The following CDH13 variants were observed in gnomAD, a reference collection of about 807,000 sequenced individuals.
CDH13 encodes the protein cadherin 13, also known as cadherin-13.
CDH13 carries 24 observed loss-of-function variants against 63.8 expected under a neutral mutation model. The ratio of observed to expected loss-of-function variants is 0.38; its 90% CI spans 0.27 to 0.53. The LOEUF is 0.53. CDH13 is among the 20% of genes least tolerant of loss of function. The pLI, the probability that CDH13 is intolerant of heterozygous loss-of-function variation, is 0.85. For missense variants in CDH13, 1,049 were observed against 903.1 expected, an observed-to-expected ratio of 1.16 and a Z score of -2.07; for synonymous variants, 503 against 355.3, an observed-to-expected ratio of 1.42 and a Z score of -4.67.
chr16:83,508,735 C>G (rs149172273), intron 7 of CDH13, among the ~76,000 whole-genome samples: 4 of 152,188 alleles, frequency 2.6e-5, no homozygotes, highest in Non-Finnish European at 5.9e-5. Flanking sequence ...TGTCTCACTT[C>G]TCTTTCTCCC....
intron 3 of CDH13, among the ~76,000 whole-genome samples, chr16:83,034,672 G>A (rs941351843): frequency 2.0e-5 from 3 of 152,178 alleles, no homozygotes; most frequent in Non-Finnish European, 4.4e-5. Flanking sequence ...GTGAATGGTG[G>A]CTCATCTTTC....
intron 1 of CDH13, among the ~76,000 whole-genome samples, chr16:82,670,367 C>T (rs1437036617): frequency 6.6e-6 from 1 of 152,200 alleles, no homozygotes; most frequent in Non-Finnish European, 1.5e-5. Flanking sequence ...CTTCTCTCCA[C>T]CTTCCCCACT....
chr16:83,480,682 C>A (rs1171184057), intron 6 of CDH13, among the ~76,000 whole-genome samples: 2 of 152,136 alleles, frequency 1.3e-5, no homozygotes, highest in African/African-American at 4.8e-5. Flanking sequence ...AGGGTGACCA[C>A]CTCATTCTGG....
rs8058914 is a variant in CDH13 at position 83,582,604 on chromosome 16, A to G, written c.961-19850A>G. ...GCCCATAAGGGTTGTTAGGACACAC[A>G]GGAGCCTGAGTGGCCAGGTCTCTCA... On this transcript the variant is annotated intron_variant, in intron 7 of 13. Transcript: ENST00000567109. Among the ~76,000 whole-genome samples, 1,027 of 152,300 alleles carry G rather than the reference A, an allele frequency of 6.7e-3. 11 individuals are homozygous for G. The highest frequency in any genetic ancestry group is 0.023 in the African/African-American group (970 of 41,556).
intron 1 of CDH13, among the ~76,000 whole-genome samples, chr16:82,712,952 A>G (rs1391042738): frequency 1.3e-5 from 2 of 152,084 alleles, no homozygotes; most frequent in Non-Finnish European, 2.9e-5. Context: ...AGCTTCATCA[A>G]GGAATTTCTC....
chr16:82,913,764 T>G, intron 2 of CDH13, among the ~76,000 whole-genome samples: 1 of 150,720 alleles, frequency 6.6e-6, no homozygotes, highest in Non-Finnish European at 1.5e-5. Flanking sequence ...AAGTAGTCAT[T>G]TGGGAGATGA....
intron 3 of CDH13, among the ~76,000 whole-genome samples, chr16:83,066,947 C>G (rs921236399): frequency 1.3e-5 from 2 of 152,150 alleles, no homozygotes; most frequent in African/African-American, 4.8e-5. Context: ...GTCTTTGTCA[C>G]CAAATGCTGA....
chr16:83,600,260 C>A (rs572977669), intron 7 of CDH13, among the ~76,000 whole-genome samples: 1 of 152,278 alleles, frequency 6.6e-6, no homozygotes, highest in African/African-American at 2.4e-5. Context: ...AACCGTGTGA[C>A]CTTCGATCCT....
chr16:82,857,219 G>T (rs114735980), intron 1 of CDH13, among the ~76,000 whole-genome samples: 3,403 of 152,248 alleles, frequency 0.022, 134 homozygotes, highest in African/African-American at 0.077. Context: ...CTAGAATTTC[G>T]AGTTCGTCTT....
intron 3 of CDH13, among the ~76,000 whole-genome samples, chr16:83,095,161 C>G (rs968461335): frequency 6.6e-6 from 1 of 152,186 alleles, no homozygotes; most frequent in East Asian, 1.9e-4. Context: ...GGTATAAATA[C>G]TCACACTGTG....
At chr16:83,233,152 A>G (rs1212405627) in intron 5 of CDH13, among the ~76,000 whole-genome samples, 1 of 152,184 alleles carries the variant, frequency 6.6e-6, no homozygotes, top group Non-Finnish European at 1.5e-5. Flanking sequence ...CTTTTCAGGA[A>G]AGGGAAAATG....
intron 5 of CDH13, among the ~76,000 whole-genome samples, chr16:83,232,291 G>A (rs71402058): frequency 0.12 from 16,832 of 142,690 alleles, 1,122 homozygotes; most frequent in Non-Finnish European, 0.15. Flanking sequence ...TTGGGAAGCT[G>A]AGGCGAGCAG....
intron 6 of CDH13, among the ~76,000 whole-genome samples, chr16:83,463,057 G>A (rs2073220285): frequency 6.6e-6 from 1 of 152,116 alleles, no homozygotes; most frequent in African/African-American, 2.4e-5. Context: ...CAGAATGGAA[G>A]AGGAGGAAAA....
chr16:83,191,520 C>A (rs1305256593), intron 4 of CDH13, among the ~76,000 whole-genome samples: 1 of 88,458 alleles, frequency 1.1e-5, no homozygotes, highest in South Asian at 4.1e-4. Context: ...CACACACACA[C>A]ACACACACAC....
chr16:83,247,079 C>G (rs1293024065), intron 5 of CDH13, among the ~76,000 whole-genome samples: 28 of 152,204 alleles, frequency 1.8e-4, no homozygotes, highest in Admixed American at 1.6e-3. Context: ...AGTCAAGTAC[C>G]TACCTCTAAA....
At chr16:82,701,655 T>C (rs2031033629) in intron 1 of CDH13, among the ~76,000 whole-genome samples, 1 of 152,124 alleles carries the variant, frequency 6.6e-6, no homozygotes, top group Non-Finnish European at 1.5e-5. Context: ...ATTGTGGTGA[T>C]AACGTGGCTT....
intron 8 of CDH13, among the ~76,000 whole-genome samples, chr16:83,635,332 CTTTTTTTTTTTTTTTTT>C (rs71148847): frequency 4.3e-5 from 2 of 46,716 alleles, no homozygotes; most frequent in Admixed American, 4.0e-4. Context: ...CATTTTCTTT[CTTTTTTTTTTTTTTTTT>C]TTTTTTTTTT....
intron 1 of CDH13, among the ~76,000 whole-genome samples, chr16:82,765,994 A>C (rs1167293244): frequency 1.3e-5 from 2 of 152,202 alleles, no homozygotes; most frequent in Non-Finnish European, 2.9e-5. Flanking sequence ...CCAAAGTCCA[A>C]GCTTAATAGA....
chr16:83,781,777 G>C (rs11645296), intron 12 of CDH13, among the ~76,000 whole-genome samples: 1 of 151,184 alleles, frequency 6.6e-6, no homozygotes, highest in Non-Finnish European at 1.5e-5. Flanking sequence ...TTTTGGGGGC[G>C]TGCAGAGGGG....
Sources: gnomAD v4.1 joint callset for allele counts (sites outside exome capture counted in the v4.1 genomes callset) on GRCh38, gnomAD v4.1.1 for gene constraint, MANE v1.5 for transcripts, NCBI Gene and HGNC (gene_info 2026-07-23, HGNC 2026-07-21) for gene names.